Variants in EBF1 observed in about 807,000 individuals in gnomAD.
The protein encoded by EBF1 is EBF transcription factor 1, also known as transcription factor COE1.
Under a neutral mutation model 68.4 loss-of-function variants are expected in EBF1, and 10 were observed. The ratio of observed to expected loss-of-function variants is 0.15; its 90% CI spans 0.09 to 0.25. The LOEUF (loss-of-function observed/expected upper bound fraction) is 0.25. Ranked by LOEUF, EBF1 falls within the 10% of genes least tolerant of loss-of-function variation. The pLI is 1.00. For synonymous variants in EBF1, 298 were observed against 299.8 expected (o/e 0.99, Z 0.06); for missense variants, 509 against 794.4 (o/e 0.64, Z 4.32).
intron 3 of EBF1, 168 bp downstream of exon 3, chr5:159,096,175 C>T: frequency 1.5e-5 from 10 of 678,286 alleles, no homozygotes; most frequent in Non-Finnish European, 2.5e-5. Context: ...CCACTAGGAG[C>T]CTCCTCAGGT....
At chr5:158,916,845 C>T (rs1436450258) in intron 6 of EBF1, among the ~76,000 whole-genome samples, 2 of 152,140 alleles carry the variant, frequency 1.3e-5, no homozygotes, top group Non-Finnish European at 2.9e-5. Flanking sequence ...GCCAGCTCAG[C>T]GGGTATACAT....
At position 158,696,067 on chromosome 5, in the gene EBF1, A is replaced by C. The variant is rs1755715738; in HGVS notation, c.*3044T>G. On this transcript the variant is annotated 3_prime_UTR_variant, in exon 16 of 16. Transcript: ENST00000313708. ...TGAACTGTACAGTGTGTGTCTATTC[A>C]AAAAGTTTTGATAAGAAGGTGAAAG... The C allele has an allele frequency of 4.8e-6, 1 of 209,710 alleles. No individual in the cohort carries two copies. The highest frequency in any genetic ancestry group is 7.2e-5 in the East Asian group (1 of 13,870). The allele number at this position is 209,710 out of a possible 1,614,324, so 13.0% of individuals were successfully genotyped here.
intron 8 of EBF1, among the ~76,000 whole-genome samples, chr5:158,802,078 G>A (rs1053334102): frequency 1.3e-5 from 2 of 152,112 alleles, no homozygotes; most frequent in Non-Finnish European, 2.9e-5. Flanking sequence ...GAGCTCAGAG[G>A]TGCCTGCCCA....
chr5:158,775,757 CACACACACACACACACATGCACACAG>C (rs1775014807), intron 10 of EBF1, among the ~76,000 whole-genome samples: 1 of 138,514 alleles, frequency 7.2e-6, no homozygotes, highest in African/African-American at 2.8e-5. Context: ...CACACACACA[CACACACACACACACACATGCACACAG>C]ACACACACAC....
intron 6 of EBF1, among the ~76,000 whole-genome samples, chr5:159,062,290 C>A (rs1435101831): frequency 6.6e-6 from 1 of 152,184 alleles, no homozygotes; most frequent in East Asian, 1.9e-4. Flanking sequence ...CTTCCCAGCT[C>A]GCAGGTCAGA....
intron 6 of EBF1, among the ~76,000 whole-genome samples, chr5:159,047,407 G>C (rs933975821): frequency 4.6e-5 from 7 of 152,152 alleles, no homozygotes; most frequent in African/African-American, 1.7e-4. Flanking sequence ...AGGGTCTCTA[G>C]AGAAACCAAA....
chr5:158,772,075 C>T (rs1773986017), intron 10 of EBF1, among the ~76,000 whole-genome samples: 1 of 152,132 alleles, frequency 6.6e-6, no homozygotes, highest in Non-Finnish European at 1.5e-5. Context: ...GTGAGCCAAA[C>T]TCGGGACTTG....
chr5:158,926,591 GC>G lies in EBF1; in HGVS notation c.555-86482del, dbSNP rs201139176. 5.6e-3 allele frequency among the ~76,000 whole-genome samples: 856 copies of G among 152,054 alleles called. 11 individuals carry two copies. The highest frequency in any genetic ancestry group is 0.02 in the African/African-American group (821 of 41,468). Reference sequence around the variant, plus strand: ...ATACAAAAATTAGCCAGGCATGGTGGCACACACCTGTAATCCCAGCTACTTG... The same window carrying G: ...ATACAAAAATTAGCCAGGCATGGTGGACACACCTGTAATCCCAGCTACTTG... On this transcript the variant is annotated intron_variant, in intron 6 of 15. Transcript: ENST00000313708.
intron 9 of EBF1, among the ~76,000 whole-genome samples, chr5:158,796,119 G>A (rs934194803): frequency 6.6e-6 from 1 of 152,062 alleles, no homozygotes; most frequent in Non-Finnish European, 1.5e-5. Context: ...CAAAACAGAA[G>A]CTCTCCCATT....
chr5:158,770,825 T>C (rs1773729967), intron 10 of EBF1, among the ~76,000 whole-genome samples: 1 of 152,154 alleles, frequency 6.6e-6, no homozygotes, highest in African/African-American at 2.4e-5. Flanking sequence ...GCTCTTTTAT[T>C]ATGTGCTGAT....
At chr5:159,049,220 T>A (rs765587274) in intron 6 of EBF1, among the ~76,000 whole-genome samples, 1 of 152,266 alleles carries the variant, frequency 6.6e-6, no homozygotes, top group African/African-American at 2.4e-5. Flanking sequence ...AGCATGACAA[T>A]GTCTGCATTT....
chr5:158,990,313 T>G (rs1461229640), intron 6 of EBF1, among the ~76,000 whole-genome samples: 2 of 152,148 alleles, frequency 1.3e-5, no homozygotes, highest in Non-Finnish European at 2.9e-5. Context: ...CAATCCTGGC[T>G]CCGTGAAGCC....
intron 10 of EBF1, among the ~76,000 whole-genome samples, chr5:158,756,276 T>C (rs1770072447): frequency 6.6e-6 from 1 of 152,010 alleles, no homozygotes; most frequent in Non-Finnish European, 1.5e-5. Context: ...TTTTTTTTTT[T>C]CTGTTTATGA....
chr5:159,087,343 CAT>C (rs536621878), intron 4 of EBF1, among the ~76,000 whole-genome samples: 4,540 of 135,368 alleles, frequency 0.034, 254 homozygotes, highest in African/African-American at 0.12. Context: ...TATACACACA[CAT>C]ATATATATAC....
intron 6 of EBF1, among the ~76,000 whole-genome samples, chr5:158,854,764 C>A (rs763751519): frequency 5.3e-5 from 8 of 152,186 alleles, no homozygotes; most frequent in Non-Finnish European, 1.0e-4. Flanking sequence ...CCAGCACAAA[C>A]AAGTTTTTTC....
rs539493620 is a variant in EBF1 at position 158,872,996 on chromosome 5, A to ATTTT, written c.555-32890_555-32887dup. 7.0e-3 allele frequency among the ~76,000 whole-genome samples: 565 copies of ATTTT among 81,116 alleles called. 44 individuals are homozygous for ATTTT. Among genetic ancestry groups the ATTTT allele is most frequent in the Non-Finnish European group, 8.0e-3 (355 of 44,374 alleles). The allele number at this position is 81,116 out of a possible 152,430, so 53.2% of individuals were successfully genotyped here. On this transcript the variant is annotated intron_variant, in intron 6 of 15. Transcript: ENST00000313708. The stretch of plus-strand genomic sequence containing the variant: ...GGCTCTTCAGTCAAGAATGACACTA[A>ATTTT]TTTTTTTTTTTTTTTTTTTTTTTTT...
chr5:158,752,573 C>G (rs187849352), intron 10 of EBF1, among the ~76,000 whole-genome samples: 2 of 151,972 alleles, frequency 1.3e-5, no homozygotes, highest in African/African-American at 2.4e-5. Context: ...GAACAGTCTA[C>G]AATGGCAAAT....
intron 6 of EBF1, among the ~76,000 whole-genome samples, chr5:158,988,237 C>A (rs952074165): frequency 6.6e-6 from 1 of 152,194 alleles, no homozygotes; most frequent in Admixed American, 6.5e-5. Flanking sequence ...AGTGCCCCCC[C>A]TTCTCTTCGT....
At chr5:159,084,816 T>A in intron 4 of EBF1, 77 bp from the exon 5 acceptor site, 1 of 1,346,958 alleles carries the variant, frequency 7.4e-7, no homozygotes, top group Non-Finnish European at 1.0e-6. Context: ...ATTGAGTTCT[T>A]AACCACTTCA....
Sources: allele counts gnomAD v4.1 joint callset (sites outside exome capture counted in the v4.1 genomes callset), GRCh38; gene constraint gnomAD v4.1.1; transcripts MANE v1.5; gene names NCBI Gene and HGNC (gene_info 2026-07-23, HGNC 2026-07-21).